CNST: variants seen among roughly 807,000 people sequenced by gnomAD.
CNST encodes consortin, connexin sorting protein.
Under a neutral mutation model 72.4 loss-of-function variants are expected in CNST, and 39 were observed. That is an observed-to-expected ratio of 0.54 (90% confidence interval 0.42 to 0.70). The LOEUF is 0.70. Ranked by LOEUF, CNST falls within the 30% of genes least tolerant of loss-of-function variation. The pLI is 0.00. For synonymous variants in CNST, 332 were observed against 320.1 expected (o/e 1.04, Z -0.40); for missense variants, 871 against 868.5 (o/e 1.00, Z -0.04).
chr1:246,635,431 A>G (rs921056788), intron 6 of CNST, among the ~76,000 whole-genome samples: 2 of 151,602 alleles, frequency 1.3e-5, no homozygotes, highest in Admixed American at 6.6e-5. Flanking sequence ...AAATTAGAGA[A>G]CCACCCTCCT....
chr1:246,594,445 T>C (rs1661745486), intron 2 of CNST, among the ~76,000 whole-genome samples: 1 of 152,188 alleles, frequency 6.6e-6, no homozygotes, highest in Non-Finnish European at 1.5e-5. Context: ...CTTTAAACAT[T>C]ATTTTCTATA....
chr1:246,580,826 T>C (rs1295990762), intron 1 of CNST, among the ~76,000 whole-genome samples: 4 of 152,042 alleles, frequency 2.6e-5, no homozygotes, highest in Non-Finnish European at 4.4e-5. Context: ...CTGCAACCTC[T>C]GCCCCCAGGG....
chr1:246,624,399 A>G (rs1664287690), intron 3 of CNST, among the ~76,000 whole-genome samples: 1 of 152,256 alleles, frequency 6.6e-6, no homozygotes. Flanking sequence ...TTGTAAAGTA[A>G]TAGAGGATTA....
At chr1:246,620,708 CGTG>C (rs200134633) in intron 2 of CNST, among the ~76,000 whole-genome samples, 25 of 128,722 alleles carry the variant, frequency 1.9e-4, no homozygotes, top group African/African-American at 3.0e-4. Context: ...CGGCTTCAGT[CGTG>C]GTGCATACAC....
chr1:246,652,217 A>G (rs1269385683), intron 9 of CNST, among the ~76,000 whole-genome samples: 1 of 152,210 alleles, frequency 6.6e-6, no homozygotes, highest in East Asian at 1.9e-4. Context: ...GAGTTGCATT[A>G]TCTTCTCTTT....
chr1:246,635,819 C>T (rs3124244), intron 6 of CNST, among the ~76,000 whole-genome samples: 29,093 of 149,980 alleles, frequency 0.19, 994 homozygotes, highest in Middle Eastern at 0.29. Flanking sequence ...TGATCCATTG[C>T]GGAGGCCACT....
At chr1:246,567,059 T>G (rs182907112) in intron 1 of CNST, among the ~76,000 whole-genome samples, 410 of 133,378 alleles carry the variant, frequency 3.1e-3, no homozygotes, top group African/African-American at 0.011. Context: ...GTCCCCCCCA[T>G]CACTACCACT....
intron 2 of CNST, among the ~76,000 whole-genome samples, chr1:246,613,296 G>A (rs964065770): frequency 7.9e-5 from 12 of 152,214 alleles, no homozygotes; most frequent in Admixed American, 3.3e-4. Flanking sequence ...ACAATTTGCC[G>A]CAGAACAATT....
chr1:246,609,117 A>G (rs1043698448), intron 2 of CNST, among the ~76,000 whole-genome samples: 2 of 152,216 alleles, frequency 1.3e-5, no homozygotes, highest in South Asian at 4.1e-4. Context: ...TAATTATGTC[A>G]TAATCACATA....
At position 246,660,213 on chromosome 1, in the gene CNST, A is replaced by G. The variant is rs149295548; in HGVS notation, c.1851A>G (p.Glu617=). Reference sequence around the variant, plus strand: ...ATTTCTGACAGGTTGTTCCTACTGAAGGATTGGTCTCCATATTAAAGAAGA... The same window carrying G: ...ATTTCTGACAGGTTGTTCCTACTGAGGGATTGGTCTCCATATTAAAGAAGA... ...RIEIAEVVPT[E]GLVSILKKRN... Residue 617 remains glutamate, a synonymous_variant, in exon 10 of 11, where the codon GAA becomes GAG. Transcript: ENST00000366513. 29 of 1,609,716 alleles carry G rather than the reference A, an allele frequency of 1.8e-5. 1 individual carries two copies. In the African/African-American group the frequency reaches 3.2e-4, roughly 18 times the overall value.
chr1:246,607,055 G>C (rs1383472731), intron 2 of CNST: 1 of 152,616 alleles, frequency 6.6e-6, no homozygotes, highest in African/African-American at 2.4e-5. Context: ...CCAGGCTCCG[G>C]GGGGTAACCT....
intron 1 of CNST, among the ~76,000 whole-genome samples, chr1:246,587,704 T>C (rs1661283685): frequency 6.6e-6 from 1 of 152,252 alleles, no homozygotes; most frequent in Non-Finnish European, 1.5e-5. Context: ...TCATACTGCT[T>C]GGGTATACCC....
chr1:246,591,620 C>T lies in CNST; in HGVS notation c.58C>T (p.His20Tyr). 1 of 1,614,182 alleles carries T rather than the reference C, an allele frequency of 6.2e-7. No homozygotes were observed. The highest frequency in any genetic ancestry group is 1.3e-5 in the African/African-American group (1 of 75,050). ...YLQIEPQDGC[H>Y]PGDSVERSVT... is the part of the protein sequence containing the mutation. The stretch of plus-strand genomic sequence containing the variant: ...GCAAATAGAACCACAAGATGGATGT[C>T]ATCCTGGTGACAGCGTGGAAAGGAG... The change falls in exon 2 of 11, where the codon CAT becomes TAT. Residue 20 changes from histidine (H) to tyrosine (Y), a missense_variant. Physicochemically the swap from His to Tyr is moderately conservative, Grantham distance 83. Transcript: ENST00000366513.
At chr1:246,569,776 A>C (rs79617622) in intron 1 of CNST, 3,232 of 171,020 alleles carry the variant, frequency 0.019, 111 homozygotes, top group African/African-American at 0.067. Context: ...ATGCTTGTTT[A>C]ATGAGGCTCA....
intron 2 of CNST, 148 bp from the exon 3 acceptor site, chr1:246,621,281 G>T: frequency 1.5e-6 from 1 of 675,672 alleles, no homozygotes; most frequent in Non-Finnish European, 2.6e-6. Context: ...CTTCTTTAGT[G>T]GTTTCATATG....
chr1:246,583,372 A>G (rs1040414160), intron 1 of CNST, among the ~76,000 whole-genome samples: 2 of 152,244 alleles, frequency 1.3e-5, no homozygotes, highest in Admixed American at 1.3e-4. Context: ...TCTGACTCTC[A>G]AAGAAATTGC....
chr1:246,616,394 C>A (rs933436969), intron 2 of CNST, among the ~76,000 whole-genome samples: 2 of 151,990 alleles, frequency 1.3e-5, no homozygotes, highest in African/African-American at 4.8e-5. Context: ...ACTGCCCCCC[C>A]AGAAAATTTA....
At position 246,646,823 on chromosome 1, in the gene CNST, T is replaced by G. The variant is rs140445826; in HGVS notation, c.938-316T>G. 2.9e-4 allele frequency among the ~76,000 whole-genome samples: 44 copies of G among 152,344 alleles called. 1 individual carries two copies. Among genetic ancestry groups the G allele is most frequent in the African/African-American group, 9.9e-4 (41 of 41,568 alleles). ...ATGTGCTGAAAATAATTTTTGTAAC[T>G]TCATTTTAATGTAAAAGTTTAATAA... On this transcript the variant is annotated intron_variant, in intron 8 of 10. Transcript: ENST00000366513.
Position 246,576,187 on chromosome 1 carries a change from A to G in CNST, c.-52+9524A>G, listed in dbSNP as rs567785037. On this transcript the variant is annotated intron_variant, in intron 1 of 10. Coordinates refer to ENST00000366513, the MANE Select transcript of CNST (RefSeq NM_152609.3). Reference sequence around the variant, plus strand: ...GAGGTGGAGCTTGCAGTGAGCCGAAATGGCGCCATTGCACTCCAGCCTGGG... The same window carrying G: ...GAGGTGGAGCTTGCAGTGAGCCGAAGTGGCGCCATTGCACTCCAGCCTGGG... 2.4e-4 allele frequency among the ~76,000 whole-genome samples: 32 copies of G among 130,858 alleles called. 1 individual carries two copies. The South Asian group carries it at 8.0e-3, about 33-fold the overall frequency. 85.8% of individuals were successfully genotyped at this position (130,858 alleles called of 152,430 possible).
Sources: allele counts gnomAD v4.1 joint callset (sites outside exome capture counted in the v4.1 genomes callset), GRCh38; gene constraint gnomAD v4.1.1; transcripts MANE v1.5; gene names NCBI Gene and HGNC (gene_info 2026-07-23, HGNC 2026-07-21).